Variants in EYS observed in about 807,000 individuals in gnomAD.
EYS encodes the protein protein eyes shut homolog.
Under a neutral mutation model 282.1 loss-of-function variants are expected in EYS, and 250 were observed. The observed-to-expected ratio is 0.89, with a 90% CI of 0.80 to 0.98. The LOEUF is 0.98. Among genes scored for constraint, EYS ranks in the 50% least tolerant of loss-of-function variants. EYS has a pLI of 0.00. For missense variants in EYS, 4,016 were observed against 3,709.0 expected, an observed-to-expected ratio of 1.08 and a Z score of -2.15; for synonymous variants, 1,355 against 1,282.9, an observed-to-expected ratio of 1.06 and a Z score of -1.20.
chr6:65,396,376 C>T (rs549097216), intron 7 of EYS, among the ~76,000 whole-genome samples: 30 of 152,146 alleles, frequency 2.0e-4, no homozygotes, highest in East Asian at 1.2e-3. Flanking sequence ...CCTTGTAGTC[C>T]TTTTCTCCCC....
chr6:64,679,748 C>A (rs1332396433), intron 22 of EYS, among the ~76,000 whole-genome samples: 1 of 152,070 alleles, frequency 6.6e-6, no homozygotes, highest in African/African-American at 2.4e-5. Context: ...ATTTTAATAC[C>A]ATTTTAATTA....
At chr6:63,908,376 C>A (rs1773836163) in intron 35 of EYS, among the ~76,000 whole-genome samples, 1 of 152,026 alleles carries the variant, frequency 6.6e-6, no homozygotes, top group Non-Finnish European at 1.5e-5. Flanking sequence ...TAAATTAGTA[C>A]AACCTCTATG....
intron 29 of EYS, among the ~76,000 whole-genome samples, chr6:64,349,780 T>C (rs1229697109): frequency 2.0e-5 from 3 of 151,580 alleles, no homozygotes; most frequent in Non-Finnish European, 1.5e-5. Context: ...AAATAATTAT[T>C]CAATAACAAT....
At chr6:63,753,150 AT>A (rs1769386327) in intron 41 of EYS, among the ~76,000 whole-genome samples, 3 of 121,228 alleles carry the variant, frequency 2.5e-5, no homozygotes, top group African/African-American at 6.0e-5. Flanking sequence ...GTATATATAT[AT>A]ATATATATAT....
At chr6:64,508,194 A>T (rs1777273340) in intron 26 of EYS, among the ~76,000 whole-genome samples, 2 of 152,276 alleles carry the variant, frequency 1.3e-5, no homozygotes, top group South Asian at 4.1e-4. Context: ...CATGTGGCCA[A>T]AAAACTATAC....
At chr6:65,353,097 A>G (rs1390935649) in intron 9 of EYS, among the ~76,000 whole-genome samples, 2 of 151,818 alleles carry the variant, frequency 1.3e-5, no homozygotes, top group Admixed American at 1.3e-4. Flanking sequence ...CATTGCTTAT[A>G]AGCATTCATG....
In EYS at chr6:65,598,241, C is replaced by G. The variant is rs1334842965; in HGVS notation, c.-333+41537G>C. On this transcript the variant is annotated intron_variant, in intron 2 of 42. Transcript: ENST00000503581. ...GAGAAGACCCTCCTCCCCACCCACC[C>G]CCCCCCCAAAAAAAAAAACAAAAAC... Among the ~76,000 whole-genome samples, 18 of 81,340 alleles carry G rather than the reference C, an allele frequency of 2.2e-4. 2 individuals carry two copies. The highest frequency in any genetic ancestry group is 2.1e-3 in the East Asian group (4 of 1,944). The allele number at this position is 81,340 out of a possible 152,430, so 53.4% of individuals were successfully genotyped here.
chr6:64,507,265 T>C (rs1181183418), intron 26 of EYS, among the ~76,000 whole-genome samples: 1 of 152,116 alleles, frequency 6.6e-6, no homozygotes, highest in Non-Finnish European at 1.5e-5. Flanking sequence ...TGGATGAAGC[T>C]GGAAACCAAC....
intron 21 of EYS, among the ~76,000 whole-genome samples, chr6:64,819,066 C>T (rs1764823242): frequency 6.6e-6 from 1 of 152,214 alleles, no homozygotes. Context: ...GCCTATCTTT[C>T]TCCATTTTTC....
chr6:64,335,982 A>G (rs1770837644), intron 29 of EYS, among the ~76,000 whole-genome samples: 1 of 152,134 alleles, frequency 6.6e-6, no homozygotes, highest in Non-Finnish European at 1.5e-5. Flanking sequence ...AATGAGCTCT[A>G]TGTCTTGAAA....
At chr6:63,765,993 T>C (rs1188549042) in intron 40 of EYS, among the ~76,000 whole-genome samples, 1 of 152,068 alleles carries the variant, frequency 6.6e-6, no homozygotes, top group African/African-American at 2.4e-5. Context: ...TTTAAGAATA[T>C]TGATCTGTTA....
At chr6:64,238,684 ACAC>A (rs1285682254) in intron 30 of EYS, among the ~76,000 whole-genome samples, 2 of 152,180 alleles carry the variant, frequency 1.3e-5, no homozygotes, top group Non-Finnish European at 2.9e-5. Flanking sequence ...TCCTAAAACT[ACAC>A]CATCAATTAT....
intron 29 of EYS, among the ~76,000 whole-genome samples, chr6:64,341,355 A>C (rs1429600471): frequency 1.3e-5 from 2 of 151,838 alleles, no homozygotes; most frequent in African/African-American, 4.8e-5. Flanking sequence ...ATGGAATATT[A>C]CATGGCCATA....
intron 11 of EYS, chr6:65,302,376 T>A: frequency 1.5e-6 from 1 of 680,368 alleles, no homozygotes; most frequent in Non-Finnish European, 2.6e-6. Context: ...AATCAGCTAA[T>A]GATTACAGTT....
intron 22 of EYS, among the ~76,000 whole-genome samples, chr6:64,676,304 T>C (rs1451306049): frequency 7.0e-6 from 1 of 142,134 alleles, no homozygotes; most frequent in Non-Finnish European, 1.5e-5. Flanking sequence ...TCTATATCTA[T>C]ATCCAATATA....
chr6:65,032,507 T>C (rs1772636220), intron 13 of EYS, among the ~76,000 whole-genome samples: 1 of 152,114 alleles, frequency 6.6e-6, no homozygotes, highest in African/African-American at 2.4e-5. Context: ...ACACCTGACC[T>C]ACCACTGTCT....
chr6:63,795,876 A>G (rs1280698353), intron 37 of EYS, among the ~76,000 whole-genome samples: 1 of 152,108 alleles, frequency 6.6e-6, no homozygotes, highest in Admixed American at 6.6e-5. Context: ...AAGGAGAGAA[A>G]ATTGTCAGAA....
At chr6:64,787,705 GATA>G (rs1774066744) in intron 22 of EYS, among the ~76,000 whole-genome samples, 3 of 148,866 alleles carry the variant, frequency 2.0e-5, no homozygotes, top group South Asian at 4.2e-4. Flanking sequence ...ATTATTTATA[GATA>G]ATAATACATA....
chr6:63,991,941 A>G (rs1172007402), intron 34 of EYS, among the ~76,000 whole-genome samples: 1 of 151,764 alleles, frequency 6.6e-6, no homozygotes, highest in Non-Finnish European at 1.5e-5. Flanking sequence ...TGATATATTT[A>G]AAGTGCTAAA....
Sources: gnomAD v4.1 joint callset for allele counts (sites outside exome capture counted in the v4.1 genomes callset) on GRCh38, gnomAD v4.1.1 for gene constraint, MANE v1.5 for transcripts, NCBI Gene and HGNC (gene_info 2026-07-23, HGNC 2026-07-21) for gene names.